Variants in NR6A1 observed in about 807,000 individuals in gnomAD.
NR6A1 encodes retinoic acid receptor-related testis-associated receptor.
NR6A1 carries 7 observed loss-of-function variants against 59.1 expected under a neutral mutation model. That is an observed-to-expected ratio of 0.12 (90% CI 0.07 to 0.22). The LOEUF is 0.22. Ranked by LOEUF, NR6A1 falls within the 10% of genes least tolerant of loss-of-function variation. NR6A1 has a pLI of 1.00. For synonymous variants in NR6A1, 243 were observed against 236.1 expected (o/e 1.03, Z -0.27); for missense variants, 468 against 611.6 (o/e 0.77, Z 2.48).
chr9:124,763,152 T>C (rs1444444040), intron 1 of NR6A1, among the ~76,000 whole-genome samples: 1 of 152,230 alleles, frequency 6.6e-6, no homozygotes, highest in African/African-American at 2.4e-5. Flanking sequence ...GGCATGTACT[T>C]TTCCATTTTG....
chr9:124,724,120 G>A (rs897357551), intron 2 of NR6A1, among the ~76,000 whole-genome samples: 2 of 152,072 alleles, frequency 1.3e-5, no homozygotes, highest in Non-Finnish European at 2.9e-5. Context: ...TGTGAAAATC[G>A]TTTCATGACT....
intron 2 of NR6A1, among the ~76,000 whole-genome samples, chr9:124,682,600 C>CT: frequency 6.6e-6 from 1 of 152,120 alleles, no homozygotes; most frequent in African/African-American, 2.4e-5. Context: ...TAAAATGTTA[C>CT]TTATGTTAAT....
chr9:124,703,529 G>A (rs900142196), intron 2 of NR6A1, among the ~76,000 whole-genome samples: 3 of 152,026 alleles, frequency 2.0e-5, no homozygotes, highest in African/African-American at 7.3e-5. Context: ...TTAGTGGAAT[G>A]TTTGTCGACA....
chr9:124,726,872 T>C (rs530592983), intron 2 of NR6A1, among the ~76,000 whole-genome samples: 1 of 152,362 alleles, frequency 6.6e-6, no homozygotes, highest in Non-Finnish European at 1.5e-5. Flanking sequence ...CTTTTTGCTC[T>C]GGTCAGTTAC....
At chr9:124,617,347 TG>T (rs1351982932) in intron 2 of NR6A1, among the ~76,000 whole-genome samples, 2 of 152,210 alleles carry the variant, frequency 1.3e-5, no homozygotes, top group Non-Finnish European at 2.9e-5. Flanking sequence ...TTTTGTTTTG[TG>T]GTAAATATTT....
intron 2 of NR6A1, among the ~76,000 whole-genome samples, chr9:124,702,889 AC>A (rs1430396695): frequency 5.9e-5 from 9 of 151,864 alleles, no homozygotes; most frequent in Admixed American, 3.9e-4. Flanking sequence ...TGCCTATTCT[AC>A]GAATAGGCAA....
intron 2 of NR6A1, among the ~76,000 whole-genome samples, chr9:124,613,952 T>A (rs900484927): frequency 6.6e-6 from 1 of 152,096 alleles, no homozygotes; most frequent in African/African-American, 2.4e-5. Flanking sequence ...ACAAACCATA[T>A]AAAACAATGA....
At chr9:124,572,082 C>CA (rs1834454311) in intron 2 of NR6A1, among the ~76,000 whole-genome samples, 1 of 152,126 alleles carries the variant, frequency 6.6e-6, no homozygotes, top group African/African-American at 2.4e-5. Flanking sequence ...CTGTACTAAA[C>CA]AGAGAGCAGT....
At chr9:124,540,935 C>A (rs879389509) in intron 4 of NR6A1, among the ~76,000 whole-genome samples, 22 of 152,122 alleles carry the variant, frequency 1.4e-4, no homozygotes, top group Admixed American at 1.4e-3. Context: ...CCGCCCCCAG[C>A]CCCCAAAAGA....
intron 1 of NR6A1, among the ~76,000 whole-genome samples, chr9:124,770,539 G>A (rs1841107820): frequency 6.6e-6 from 1 of 150,888 alleles, no homozygotes; most frequent in African/African-American, 2.4e-5. Flanking sequence ...AACCCCTGTA[G>A]GGGAAAAGAG....
chr9:124,666,596 T>C (rs1837628558), intron 2 of NR6A1, among the ~76,000 whole-genome samples: 1 of 152,242 alleles, frequency 6.6e-6, no homozygotes, highest in South Asian at 2.1e-4. Context: ...GGCTTTCTAA[T>C]ACCATTACAT....
At chr9:124,608,705 TGAG>T (rs1172118650) in intron 2 of NR6A1, among the ~76,000 whole-genome samples, 2 of 152,218 alleles carry the variant, frequency 1.3e-5, no homozygotes, top group Non-Finnish European at 2.9e-5. Flanking sequence ...TCTAGGTCTT[TGAG>T]GAATCCACAC....
chr9:124,569,037 C>A (rs1425916658), intron 2 of NR6A1, among the ~76,000 whole-genome samples: 1 of 151,768 alleles, frequency 6.6e-6, no homozygotes, highest in Non-Finnish European at 1.5e-5. Flanking sequence ...GGCATGAACC[C>A]GGGAGGCGGA....
intron 4 of NR6A1, among the ~76,000 whole-genome samples, chr9:124,543,582 G>A (rs756264044): frequency 1.3e-5 from 2 of 152,166 alleles, no homozygotes; most frequent in African/African-American, 2.4e-5. Context: ...AAATCCTTAG[G>A]AAAGGCTGAG....
At chr9:124,705,013 G>A (rs898919128) in intron 2 of NR6A1, among the ~76,000 whole-genome samples, 1 of 152,200 alleles carries the variant, frequency 6.6e-6, no homozygotes, top group Admixed American at 6.5e-5. Flanking sequence ...TGGGATTATA[G>A]GCATGAGCCA....
chr9:124,663,212 ACCC>A (rs1837499838), intron 2 of NR6A1, among the ~76,000 whole-genome samples: 1 of 152,210 alleles, frequency 6.6e-6, no homozygotes, highest in Non-Finnish European at 1.5e-5. Flanking sequence ...AAATGGTACT[ACCC>A]ACAAGCTTCT....
chr9:124,531,378 C>T (rs1036790268), intron 7 of NR6A1, among the ~76,000 whole-genome samples: 24 of 152,166 alleles, frequency 1.6e-4, no homozygotes, highest in Admixed American at 1.1e-3. Flanking sequence ...AAATTTGATT[C>T]AATATTTGAG....
intron 2 of NR6A1, among the ~76,000 whole-genome samples, chr9:124,594,953 C>T (rs1019818548): frequency 2.0e-5 from 3 of 152,224 alleles, no homozygotes; most frequent in African/African-American, 7.2e-5. Context: ...GGGAACTCTT[C>T]TCAGTAGTGC....
chr9:124,699,709 G>A (rs933374924), intron 2 of NR6A1, among the ~76,000 whole-genome samples: 2 of 152,064 alleles, frequency 1.3e-5, no homozygotes, highest in Non-Finnish European at 2.9e-5. Flanking sequence ...TTCATTTATA[G>A]ACTTGTGCAA....
Sources: gnomAD v4.1 joint callset for allele counts (sites outside exome capture counted in the v4.1 genomes callset) on GRCh38, gnomAD v4.1.1 for gene constraint, MANE v1.5 for transcripts, NCBI Gene and HGNC (gene_info 2026-07-23, HGNC 2026-07-21) for gene names.